CPPED1: variants seen among roughly 807,000 people sequenced by gnomAD.
CPPED1 encodes the protein serine/threonine-protein phosphatase CPPED1.
Under a neutral mutation model 28.0 loss-of-function variants are expected in CPPED1, and 28 were observed. The ratio of observed to expected loss-of-function variants is 1.00; its 90% CI spans 0.74 to 1.37. The LOEUF is 1.37. CPPED1 is among the 40% of genes most tolerant of loss of function. CPPED1 has a pLI of 0.00. For missense variants in CPPED1, 504 were observed against 416.5 expected, an observed-to-expected ratio of 1.21 and a Z score of -1.83; for synonymous variants, 198 against 180.2, an observed-to-expected ratio of 1.10 and a Z score of -0.79.
intron 2 of CPPED1, chr16:12,720,380 C>T (rs1282227060): frequency 6.5e-6 from 1 of 154,366 alleles, no homozygotes; most frequent in African/African-American, 2.4e-5. Context: ...GCAAGCTTTT[C>T]CTAAAGAGGT....
chr16:12,743,622 AG>A (rs2080267541), intron 2 of CPPED1, among the ~76,000 whole-genome samples: 1 of 152,234 alleles, frequency 6.6e-6, no homozygotes, highest in African/African-American at 2.4e-5. Flanking sequence ...TAAGTTACCA[AG>A]AAAAAGTCAT....
At position 12,718,144 on chromosome 16, in the gene CPPED1, T is replaced by C. The variant is rs181574596; in HGVS notation, c.290-13095A>G. Among the ~76,000 whole-genome samples, 65 of 152,298 alleles carry C rather than the reference T, an allele frequency of 4.3e-4. 1 individual carries two copies. In the East Asian group the frequency reaches 0.011, roughly 27 times the overall value. The stretch of plus-strand genomic sequence containing the variant: ...ACAGTTAGCTCCATGAATTTCAATG[T>C]TGAGATACAAGATTATGACTTCAGG... On this transcript the variant is annotated intron_variant, in intron 2 of 3. Transcript: ENST00000381774.
intron 2 of CPPED1, among the ~76,000 whole-genome samples, chr16:12,739,443 T>C (rs1463398375): frequency 6.6e-6 from 1 of 151,996 alleles, no homozygotes; most frequent in Admixed American, 6.6e-5. Context: ...TAGTTGGGCA[T>C]GGTGGCAGGC....
In CPPED1 at chr16:12,764,338, C is replaced by A. The variant is rs528668293; in HGVS notation, c.289+16847G>T. ...CGTGCCTCAGCCTCCCAAGTAGCTG[C>A]GATAACATGCACATGCCACCACACC... is the stretch of plus-strand genomic sequence containing the variant. On this transcript the variant is annotated intron_variant, in intron 2 of 3. Coordinates refer to ENST00000381774, the MANE Select transcript of CPPED1 (RefSeq NM_018340.3). Among the ~76,000 whole-genome samples the A allele has an allele frequency of 2.6e-5, 4 of 151,950 alleles. No individual in the cohort carries two copies. In the South Asian group the frequency reaches 6.2e-4, roughly 24 times the overall value.
At chr16:12,697,545 C>T (rs1422860686) in intron 3 of CPPED1, among the ~76,000 whole-genome samples, 1 of 152,190 alleles carries the variant, frequency 6.6e-6, no homozygotes, top group African/African-American at 2.4e-5. Flanking sequence ...AGAATGTGGA[C>T]AAGGTTCTGG....
intron 3 of CPPED1, among the ~76,000 whole-genome samples, chr16:12,695,367 C>T (rs900165563): frequency 5.9e-5 from 9 of 152,204 alleles, no homozygotes; most frequent in East Asian, 1.9e-4. Context: ...GGGGCTCAAG[C>T]GATCCTCCCA....
At chr16:12,791,567 G>A (rs2080596700) in intron 1 of CPPED1, among the ~76,000 whole-genome samples, 1 of 152,164 alleles carries the variant, frequency 6.6e-6, no homozygotes, top group Non-Finnish European at 1.5e-5. Context: ...CATCCCTGCA[G>A]CAGCCCCACC....
At chr16:12,710,279 A>G (rs985076967) in intron 2 of CPPED1, among the ~76,000 whole-genome samples, 3 of 152,336 alleles carry the variant, frequency 2.0e-5, no homozygotes, top group Middle Eastern at 3.4e-3. Flanking sequence ...TAGAACTGAC[A>G]GGAATCCTCA....
chr16:12,781,173 C>G lies in CPPED1; in HGVS notation c.289+12G>C, dbSNP rs1357487795. ...AAGGAGAAAAGGTCACAAGCGATGA[C>G]CCGAGTCTTACCTGGCATGGCGTGG... On this transcript the variant is annotated intron_variant, in intron 2 of 3. Coordinates refer to ENST00000381774, the MANE Select transcript of CPPED1 (RefSeq NM_018340.3). The G allele has an allele frequency of 6.2e-7, 1 of 1,607,882 alleles. No homozygotes were observed. Among genetic ancestry groups the G allele is most frequent in the Admixed American group, 1.7e-5 (1 of 58,914 alleles).
At chr16:12,707,774 T>C (rs1456971648) in intron 2 of CPPED1, among the ~76,000 whole-genome samples, 1 of 152,170 alleles carries the variant, frequency 6.6e-6, no homozygotes, top group Non-Finnish European at 1.5e-5. Context: ...GATGCTGCTT[T>C]TGGGGAAACC....
intron 3 of CPPED1, among the ~76,000 whole-genome samples, chr16:12,686,299 G>C (rs926730969): frequency 2.0e-5 from 3 of 151,342 alleles, no homozygotes; most frequent in African/African-American, 7.3e-5. Flanking sequence ...GAACTCCTGG[G>C]CTCAAGTGAT....
chr16:12,695,141 T>G (rs2079983421), intron 3 of CPPED1, among the ~76,000 whole-genome samples: 1 of 152,214 alleles, frequency 6.6e-6, no homozygotes, highest in Admixed American at 6.5e-5. Context: ...TGGACAGGTT[T>G]GCTGCATTTG....
At chr16:12,686,660 G>T (rs2079935057) in intron 3 of CPPED1, among the ~76,000 whole-genome samples, 1 of 152,192 alleles carries the variant, frequency 6.6e-6, no homozygotes, top group African/African-American at 2.4e-5. Flanking sequence ...GATGGGAAAG[G>T]TGGCTTAGTA....
chr16:12,744,537 G>A (rs1196901507), intron 2 of CPPED1, among the ~76,000 whole-genome samples: 1 of 152,200 alleles, frequency 6.6e-6, no homozygotes, highest in Non-Finnish European at 1.5e-5. Flanking sequence ...TGACCCGTAA[G>A]AGACAGGACG....
chr16:12,673,622 CCT>C (rs2079863581), intron 3 of CPPED1, among the ~76,000 whole-genome samples: 1 of 152,196 alleles, frequency 6.6e-6, no homozygotes. Context: ...GACAGCTGTT[CCT>C]CTCTGTAATA....
At chr16:12,684,208 G>A (rs1195371603) in intron 3 of CPPED1, among the ~76,000 whole-genome samples, 1 of 152,140 alleles carries the variant, frequency 6.6e-6, no homozygotes, top group Non-Finnish European at 1.5e-5. Context: ...ACTGAGCAGA[G>A]CCATCTTTCT....
chr16:12,697,953 T>C (rs1256774486), intron 3 of CPPED1, among the ~76,000 whole-genome samples: 1 of 151,946 alleles, frequency 6.6e-6, no homozygotes, highest in African/African-American at 2.4e-5. Flanking sequence ...CTTCTAAAAA[T>C]ACAAAAATTA....
chr16:12,754,814 C>CA (rs1383577245), intron 2 of CPPED1, among the ~76,000 whole-genome samples: 1 of 152,102 alleles, frequency 6.6e-6, no homozygotes, highest in African/African-American at 2.4e-5. Context: ...GCCTGGGCGA[C>CA]ACAGTGAGAC....
chr16:12,779,896 G>T (rs576991962), intron 2 of CPPED1, among the ~76,000 whole-genome samples: 4 of 152,110 alleles, frequency 2.6e-5, no homozygotes, highest in Non-Finnish European at 5.9e-5. Flanking sequence ...ATGGTCTAAG[G>T]TCCCCTGCCT....
Sources: allele counts gnomAD v4.1 joint callset (sites outside exome capture counted in the v4.1 genomes callset), GRCh38; gene constraint gnomAD v4.1.1; transcripts MANE v1.5; gene names NCBI Gene and HGNC (gene_info 2026-07-23, HGNC 2026-07-21).